Variants in DNAH8 observed in about 807,000 individuals in gnomAD.
The protein encoded by DNAH8 is axonemal beta dynein heavy chain 8.
In DNAH8, 382 loss-of-function variants were observed where a neutral mutation model predicts 562.1. The observed-to-expected ratio is 0.68, with a 90% CI of 0.63 to 0.74. The LOEUF is 0.74. DNAH8 is among the 30% of genes least tolerant of loss of function. The pLI is 0.00. For synonymous variants in DNAH8, 1,881 were observed against 1,919.4 expected, an observed-to-expected ratio of 0.98 and a Z score of 0.52; for missense variants, 5,203 against 5,620.4, an observed-to-expected ratio of 0.93 and a Z score of 2.37.
intron 3 of DNAH8, 149 bp from the exon 4 acceptor site, chr6:38,729,753 A>G (rs570330647): frequency 1.2e-4 from 70 of 588,224 alleles, no homozygotes; most frequent in African/African-American, 1.2e-3. Context: ...ACTATATTGC[A>G]CAGTAATTTT....
intron 26 of DNAH8, 22 bp downstream of exon 26, chr6:38,815,679 A>G (rs528696114): frequency 3.1e-5 from 49 of 1,589,060 alleles, no homozygotes; most frequent in African/African-American, 8.1e-5. Flanking sequence ...AAATTAGTCA[A>G]TGATCTTACT....
At chr6:38,738,898 T>G (rs1325894942) in intron 7 of DNAH8, among the ~76,000 whole-genome samples, 5 of 152,206 alleles carry the variant, frequency 3.3e-5, no homozygotes, top group Admixed American at 1.3e-4. Context: ...TATTTTTTTT[T>G]GAAAAATCTT....
chr6:38,923,496 T>A (rs1781876095), intron 72 of DNAH8: 1 of 219,718 alleles, frequency 4.6e-6, no homozygotes, highest in African/African-American at 2.3e-5. Context: ...GATCAATGGT[T>A]TGTTGTGGAT....
chr6:38,722,223 T>G (rs557029935), intron 1 of DNAH8, among the ~76,000 whole-genome samples: 1 of 152,350 alleles, frequency 6.6e-6, no homozygotes, highest in East Asian at 1.9e-4. Flanking sequence ...TTATTTATTT[T>G]GGCTGCTAAG....
In DNAH8 at chr6:38,995,742, T is replaced by C. The variant is rs966330509; in HGVS notation, c.13214+5570T>C. On this transcript the variant is annotated intron_variant, in intron 88 of 92. Transcript: ENST00000327475. ...TTACCCTATACTGAGTCCAACCCATTCAATAAAATTGTTACAGAAGTGTGG... is the reference window on the plus strand; with the variant it reads ...TTACCCTATACTGAGTCCAACCCATCCAATAAAATTGTTACAGAAGTGTGG... Among the ~76,000 whole-genome samples, 7 of 152,206 alleles carry C rather than the reference T, an allele frequency of 4.6e-5. No individual in the cohort carries two copies. In the East Asian group the frequency reaches 5.8e-4, roughly 13 times the overall value.
At chr6:38,724,712 C>T (rs1763062063) in intron 3 of DNAH8, among the ~76,000 whole-genome samples, 2 of 152,136 alleles carry the variant, frequency 1.3e-5, no homozygotes, top group Non-Finnish European at 2.9e-5. Context: ...TAGCTTCCCT[C>T]GCGATAGCTC....
intron 12 of DNAH8, among the ~76,000 whole-genome samples, chr6:38,772,280 G>A (rs1338190675): frequency 6.6e-6 from 1 of 152,000 alleles, no homozygotes; most frequent in Non-Finnish European, 1.5e-5. Context: ...CACCCACCTC[G>A]ACCTCCCAAA....
chr6:38,754,357 A>G (rs981978448), intron 9 of DNAH8, among the ~76,000 whole-genome samples: 4 of 152,066 alleles, frequency 2.6e-5, no homozygotes, highest in South Asian at 4.1e-4. Flanking sequence ...TTCTAGGCAT[A>G]TTTTTATTAG....
intron 58 of DNAH8, among the ~76,000 whole-genome samples, chr6:38,892,305 C>T (rs912477585): frequency 2.0e-5 from 3 of 152,122 alleles, no homozygotes; most frequent in African/African-American, 7.2e-5. Flanking sequence ...GGCTCCAGGC[C>T]GATTGCTAAC....
chr6:38,886,376 T>C (rs1778926791), intron 56 of DNAH8, among the ~76,000 whole-genome samples: 1 of 152,242 alleles, frequency 6.6e-6, no homozygotes, highest in Non-Finnish European at 1.5e-5. Context: ...CCAAAACAGT[T>C]AGTAATATAA....
At chr6:38,894,089 A>G (rs989789536) in intron 58 of DNAH8, among the ~76,000 whole-genome samples, 1 of 152,228 alleles carries the variant, frequency 6.6e-6, no homozygotes, top group Non-Finnish European at 1.5e-5. Context: ...TACTATACGT[A>G]TAGCTGCATG....
chr6:38,912,030 G>A (rs1780945503), intron 66 of DNAH8, among the ~76,000 whole-genome samples: 1 of 152,226 alleles, frequency 6.6e-6, no homozygotes, highest in Admixed American at 6.5e-5. Context: ...AAGAGATTGT[G>A]TACCTAAGCA....
chr6:38,795,448 C>T (rs1412620125), intron 21 of DNAH8, among the ~76,000 whole-genome samples: 3 of 152,034 alleles, frequency 2.0e-5, no homozygotes, highest in African/African-American at 4.8e-5. Context: ...GGTGTGGTGG[C>T]GGGTGCCTGT....
intron 92 of DNAH8, among the ~76,000 whole-genome samples, chr6:39,029,111 G>A (rs1161201095): frequency 5.3e-5 from 8 of 152,080 alleles, no homozygotes; most frequent in Admixed American, 1.3e-4. Context: ...CTGCCTACAG[G>A]ATCCAGTTTA....
chr6:38,837,225 T>G (rs912468647), intron 32 of DNAH8, among the ~76,000 whole-genome samples: 1 of 152,194 alleles, frequency 6.6e-6, no homozygotes, highest in Admixed American at 6.5e-5. Flanking sequence ...CAGATCTGTA[T>G]TTTTGTCTAA....
chr6:38,930,757 A>G (rs1027889942), intron 75 of DNAH8, among the ~76,000 whole-genome samples: 1 of 152,190 alleles, frequency 6.6e-6, no homozygotes, highest in Non-Finnish European at 1.5e-5. Flanking sequence ...AAACTGTACA[A>G]TGTGATGATT....
At chr6:38,902,401 A>ATACC (rs1402473486) in intron 62 of DNAH8, among the ~76,000 whole-genome samples, 1 of 152,180 alleles carries the variant, frequency 6.6e-6, no homozygotes, top group Non-Finnish European at 1.5e-5. Flanking sequence ...CCAGGGCCAC[A>ATACC]TACCAGTCAA....
At chr6:38,757,612 A>T (rs1353778741) in intron 10 of DNAH8, among the ~76,000 whole-genome samples, 1 of 152,188 alleles carries the variant, frequency 6.6e-6, no homozygotes, top group East Asian at 1.9e-4. Flanking sequence ...TATGCTCTGA[A>T]TGGTATTGCC....
At position 38,894,876 on chromosome 6, in the gene DNAH8, G is replaced by A. The variant is rs200650850; in HGVS notation, c.8747+12G>A. 1,858 of 1,607,428 alleles carry A rather than the reference G, an allele frequency of 1.2e-3. 4 individuals are homozygous for A. The highest frequency in any genetic ancestry group is 1.5e-3 in the Non-Finnish European group (1,780 of 1,177,770). On this transcript the variant is annotated intron_variant, in intron 59 of 92. Coordinates refer to ENST00000327475, the MANE Select transcript of DNAH8 (RefSeq NM_001206927.2). ...GTAATTGCAGACAGGTGCGTGTTGC[G>A]GCACTAGAGTTTAAATGTATGACCT...
Sources: allele counts gnomAD v4.1 joint callset (sites outside exome capture counted in the v4.1 genomes callset), GRCh38; gene constraint gnomAD v4.1.1; transcripts MANE v1.5; gene names NCBI Gene and HGNC (gene_info 2026-07-23, HGNC 2026-07-21).